MYBL1: variants seen among roughly 807,000 people sequenced by gnomAD.
MYBL1 encodes the protein MYB proto-oncogene like 1.
A neutral mutation model predicts 96.3 loss-of-function variants in MYBL1; 17 were observed. The observed-to-expected ratio is 0.18, with a 90% CI of 0.12 to 0.26. The LOEUF (loss-of-function observed/expected upper bound fraction) is 0.26, where lower values mean the gene tolerates loss of function less well. MYBL1 is among the 10% of genes least tolerant of loss of function. The pLI, the probability that MYBL1 is intolerant of heterozygous loss-of-function variation, is 1.00. For missense variants in MYBL1, 701 were observed against 882.9 expected, an observed-to-expected ratio of 0.79 and a Z score of 2.61; for synonymous variants, 282 against 292.7, an observed-to-expected ratio of 0.96 and a Z score of 0.37.
intron 8 of MYBL1, among the ~76,000 whole-genome samples, chr8:66,585,961 A>C (rs997591639): frequency 7.2e-5 from 11 of 152,188 alleles, no homozygotes; most frequent in Admixed American, 4.6e-4. Flanking sequence ...TTAACCAACA[A>C]AGGATTAATA....
At chr8:66,572,456 A>G (rs1239457377) in intron 12 of MYBL1, 26 bp downstream of exon 12, 1 of 1,135,886 alleles carries the variant, frequency 8.8e-7, no homozygotes, top group Non-Finnish European at 1.2e-6. Flanking sequence ...TAGGAAAATT[A>G]TTAAAAATAA....
Position 66,608,564 on chromosome 8 carries a change from A to G in MYBL1, c.20+4255T>C, listed in dbSNP as rs116622678. ...ATGCCTGAGAATGTGTATAATTTGC[A>G]AAGAAAACAGGGAAAGGATAAAACC... On this transcript the variant is annotated intron_variant, in intron 1 of 15. Transcript: ENST00000522677. Among the ~76,000 whole-genome samples the G allele has an allele frequency of 7.8e-3, 1,181 of 152,242 alleles. 13 individuals carry two copies. The highest frequency in any genetic ancestry group is 0.027 in the African/African-American group (1,117 of 41,564).
intron 1 of MYBL1, among the ~76,000 whole-genome samples, chr8:66,604,512 T>TA (rs879543352): frequency 1.3e-3 from 176 of 138,236 alleles, no homozygotes; most frequent in East Asian, 7.0e-3. Context: ...ATTTCAAAAT[T>TA]AAAAAAAAAA....
chr8:66,580,357 T>C lies in MYBL1; in HGVS notation c.877A>G (p.Ser293Gly), dbSNP rs369931564. 2.6e-5 allele frequency: 41 copies of C among 1,599,488 alleles called. No individual in the cohort carries two copies. In the African/African-American group the frequency reaches 5.3e-4, roughly 21 times the overall value. The change falls in exon 9 of 16, where the codon AGT becomes GGT. Residue 293 changes from serine to glycine, a missense_variant. Ser to Gly is a moderately conservative substitution (Grantham distance 56). Transcript: ENST00000522677. ...AAACTACCAGACCAGCTAGAAAAAC[T>C]TCCAGGCTGCTAAAGGTACAAAAGA... ...RRKRIPSQPG[S>G]FSSWSGSFLM...
chr8:66,577,266 T>C (rs1808996886), intron 9 of MYBL1, among the ~76,000 whole-genome samples: 1 of 149,512 alleles, frequency 6.7e-6, no homozygotes, highest in South Asian at 2.2e-4. Flanking sequence ...GGTATTCAAT[T>C]AGGAAAAGAG....
At chr8:66,603,402 A>T (rs1203668077) in intron 1 of MYBL1, among the ~76,000 whole-genome samples, 4 of 152,210 alleles carry the variant, frequency 2.6e-5, no homozygotes, top group African/African-American at 4.8e-5. Flanking sequence ...AATAAAAAAA[A>T]TTTAACATAC....
Position 66,576,155 on chromosome 8 carries a change from C to T in MYBL1, c.1322G>A (p.Ser441Asn). 6.2e-7 allele frequency: 1 copy of T among 1,613,968 alleles called. No homozygotes were observed. Among genetic ancestry groups the T allele is most frequent in the Non-Finnish European group, 8.5e-7 (1 of 1,179,890 alleles). Residue 441 changes from serine to asparagine, a missense_variant, in exon 10 of 16, where the codon AGC becomes AAC. By Grantham distance (46) the Ser-to-Asn change is conservative (BLOSUM62 1). This residue lies in a region of MYBL1 where 396 missense variants were observed against 407.4 expected (regional missense o/e 0.97). Coordinates refer to ENST00000522677, the MANE Select transcript of MYBL1 (RefSeq NM_001080416.4). Reference protein sequence around the residue: ...PLTSPNIAKFSTPPAILRKKR... With the variant: ...PLTSPNIAKFNTPPAILRKKR... ...CTTTCTGAGGATGGCTGGTGGAGTGCTAAACTTGGCTATATTTGGGGATGT... is the reference window on the plus strand; with the variant it reads ...CTTTCTGAGGATGGCTGGTGGAGTGTTAAACTTGGCTATATTTGGGGATGT...
rs1171835222 is a variant in MYBL1, at chr8:66,597,544, C to T, written c.298G>A (p.Glu100Lys). 3.8e-6 allele frequency: 6 copies of T among 1,593,936 alleles called. No individual in the cohort carries two copies. The South Asian group carries it at 4.5e-5, about 12-fold the overall frequency. The change falls in exon 5 of 16, where the codon GAA becomes AAA. Residue 100 changes from glutamate to lysine, a missense_variant. Glu to Lys is a moderately conservative substitution (Grantham distance 56). Coordinates refer to ENST00000522677, the MANE Select transcript of MYBL1 (RefSeq NM_001080416.4). Reference protein sequence around the residue: ...WTKEEDQRVIELVQKYGPKRW... With the variant: ...WTKEEDQRVIKLVQKYGPKRW... Reference sequence around the variant, plus strand: ...TTTGGCCCATATTTCTGAACTAATTCAATAACCTAGGAAACAGAAAAACAA... The same window carrying T: ...TTTGGCCCATATTTCTGAACTAATTTAATAACCTAGGAAACAGAAAAACAA...
chr8:66,588,349 AG>A (rs899343478), intron 8 of MYBL1, among the ~76,000 whole-genome samples: 3 of 145,118 alleles, frequency 2.1e-5, no homozygotes, highest in African/African-American at 7.7e-5. Context: ...GCCCGATCTC[AG>A]CTCACTGCAA....
At chr8:66,595,452 T>C in intron 6 of MYBL1, 131 bp downstream of exon 6, 1 of 431,512 alleles carries the variant, frequency 2.3e-6, no homozygotes, top group Middle Eastern at 6.2e-4. Flanking sequence ...AAATCAAAGT[T>C]ACACATTTTT....
At chr8:66,583,782 A>G (rs1809306866) in intron 8 of MYBL1, among the ~76,000 whole-genome samples, 1 of 152,186 alleles carries the variant, frequency 6.6e-6, no homozygotes, top group African/African-American at 2.4e-5. Context: ...GAAAACCTGA[A>G]CAGACCAATT....
chr8:66,580,074 G>T, intron 9 of MYBL1, 59 bp downstream of exon 9: 2 of 1,263,232 alleles, frequency 1.6e-6, no homozygotes, highest in Non-Finnish European at 2.2e-6. Context: ...CTGAGTTTCT[G>T]AGCATGAAAT....
At chr8:66,594,035 C>T (rs1371909427) in intron 6 of MYBL1, among the ~76,000 whole-genome samples, 1 of 151,870 alleles carries the variant, frequency 6.6e-6, no homozygotes, top group African/African-American at 2.4e-5. Context: ...ACTCAGGAGG[C>T]CGAAGCAGGA....
Position 66,580,320 on chromosome 8 carries a change from T to C in MYBL1, c.914A>G (p.Asp305Gly). 6.2e-7 allele frequency: 1 copy of C among 1,613,580 alleles called. No homozygotes were observed. Among genetic ancestry groups the C allele is most frequent in the African/African-American group, 1.3e-5 (1 of 75,044 alleles). Residue 305 changes from aspartate to glycine, a missense_variant, in exon 9 of 16, where the codon GAT becomes GGT. By Grantham distance (94) the Asp-to-Gly change is moderately conservative (BLOSUM62 -1). Transcript: ENST00000522677. The stretch of plus-strand genomic sequence containing the variant: ...GCTATTTAGAGTATTAGACATGTTA[T>C]CATCCATGAGGAAACTACCAGACCA... Reference protein sequence around the residue: ...SSWSGSFLMDDNMSNTLNSLD... With the variant: ...SSWSGSFLMDGNMSNTLNSLD...
At chr8:66,585,315 T>C (rs1171484782) in intron 8 of MYBL1, among the ~76,000 whole-genome samples, 1 of 152,084 alleles carries the variant, frequency 6.6e-6, no homozygotes. Context: ...TGGATATCCA[T>C]ATGCAGAAAA....
At chr8:66,612,194 TTAC>T (rs1182319229) in intron 1 of MYBL1, 3 of 152,214 alleles carry the variant, frequency 2.0e-5, no homozygotes, top group Admixed American at 2.0e-4. Flanking sequence ...CTACTAGTTG[TTAC>T]TACTAGTTGT....
intron 8 of MYBL1, among the ~76,000 whole-genome samples, chr8:66,583,441 A>G (rs1586572142): frequency 1.3e-5 from 2 of 152,280 alleles, no homozygotes; most frequent in East Asian, 3.9e-4. Flanking sequence ...AACCAAACCC[A>G]AAGCTAGCAG....
At chr8:66,609,623 C>T (rs1381735990) in intron 1 of MYBL1, among the ~76,000 whole-genome samples, 2 of 151,972 alleles carry the variant, frequency 1.3e-5, no homozygotes, top group African/African-American at 4.8e-5. Context: ...CTTTACAAAA[C>T]CTTTGATCAT....
In MYBL1 at chr8:66,562,922, A is replaced by G. The variant is rs529565203; in HGVS notation, c.*1775T>C. On this transcript the variant is annotated 3_prime_UTR_variant, in exon 16 of 16. Transcript: ENST00000522677. ...CACTTCTCACTATATATATATATAA[A>G]TATATATATATATAAAATATGCAAA... is the stretch of plus-strand genomic sequence containing the variant. 1 of 147,162 alleles carries G rather than the reference A, an allele frequency of 6.8e-6. No individual in the cohort carries two copies. Among genetic ancestry groups the G allele is most frequent in the Non-Finnish European group, 1.5e-5 (1 of 66,786 alleles). The allele number at this position is 147,162 out of a possible 1,614,324, so 9.1% of individuals were successfully genotyped here.
Sources: gnomAD v4.1 joint callset for allele counts (sites outside exome capture counted in the v4.1 genomes callset) on GRCh38, gnomAD v4.1.1 for gene constraint, gnomAD v4.1.1 regional missense constraint, MANE v1.5 for transcripts, NCBI Gene and HGNC (gene_info 2026-07-23, HGNC 2026-07-21) for gene names.